TMIE: variants seen among roughly 807,000 people sequenced by gnomAD.
TMIE encodes transmembrane inner ear expressed protein.
Under a neutral mutation model 16.8 loss-of-function variants are expected in TMIE, and 14 were observed. That is an observed-to-expected ratio of 0.83 (90% CI 0.55 to 1.30). The LOEUF (loss-of-function observed/expected upper bound fraction) is 1.30, where lower values mean the gene tolerates loss of function less well. TMIE is among the 50% of genes most tolerant of loss of function. The pLI, the probability that TMIE is intolerant of heterozygous loss-of-function variation, is 0.00. For missense variants in TMIE, 204 were observed against 205.9 expected (o/e 0.99, Z 0.06); for synonymous variants, 75 against 87.2 (o/e 0.86, Z 0.78).
At position 46,709,123 on chromosome 3, in the gene TMIE, C is replaced by T; in HGVS notation, c.212-3C>T. 5.0e-6 allele frequency: 8 copies of T among 1,614,106 alleles called. No individual in the cohort carries two copies. The highest frequency in any genetic ancestry group is 6.8e-6 in the Non-Finnish European group (8 of 1,180,036). On this transcript the variant is annotated splice_polypyrimidine_tract_variant and splice_region_variant and intron_variant, in intron 2 of 3. Coordinates refer to ENST00000643606, the MANE Select transcript of TMIE (RefSeq NM_147196.3). ...AGCCAAGCCTGCTCTGTCCTCCCTA[C>T]AGTCATCACGCTGTGCTGTGTCTTC...
At chr3:46,699,061 T>TTA (rs1700439930), upstream of TMIE, among the ~76,000 whole-genome samples, 4 of 32,824 alleles carry the variant, frequency 1.2e-4, no homozygotes, top group Non-Finnish European at 2.9e-4. Context: ...GTGTTTCTTA[T>TTA]TTTTTTTTTT....
chr3:46,705,966 C>A, intron 2 of TMIE, 59 bp downstream of exon 2: 2 of 1,533,766 alleles, frequency 1.3e-6, no homozygotes, highest in South Asian at 1.1e-5. Context: ...GCACCCCCTG[C>A]CCCCCAGAGG....
chr3:46,697,385 C>CA (rs1700420472), upstream of TMIE, among the ~76,000 whole-genome samples: 1 of 152,200 alleles, frequency 6.6e-6, no homozygotes, highest in African/African-American at 2.4e-5. Context: ...GGAAGGAATG[C>CA]AGATGTCGTG....
At chr3:46,698,392 T>A (rs1171604100), upstream of TMIE, among the ~76,000 whole-genome samples, 6 of 151,764 alleles carry the variant, frequency 4.0e-5, no homozygotes, top group Non-Finnish European at 8.8e-5. Flanking sequence ...TTAACAAGAA[T>A]GATAATAATT....
chr3:46,706,117 C>T (rs1408698047), intron 2 of TMIE, among the ~76,000 whole-genome samples: 1 of 152,224 alleles, frequency 6.6e-6, no homozygotes, highest in African/African-American at 2.4e-5. Context: ...TTCTGCAGGA[C>T]CCAGGGAGGT....
intron 3 of TMIE, 28 bp downstream of exon 3, chr3:46,709,303 T>G: frequency 6.2e-7 from 1 of 1,613,352 alleles, no homozygotes. Flanking sequence ...TGAGCCCTGC[T>G]GCGCCAGCCA....
Position 46,709,186 on chromosome 3 carries a change from C to G in TMIE, c.272C>G (p.Ala91Gly). The part of the protein sequence containing the change: ...RVPRTRKEIE[A>G]RYLQRKAAKM... The stretch of plus-strand genomic sequence containing the variant: ...CCACGGACCCGGAAGGAGATCGAAG[C>G]CCGGTACCTGCAGCGAAAGGCAGCC... The change falls in exon 3 of 4, where the codon GCC becomes GGC. Residue 91 changes from alanine (A) to glycine (G), a missense_variant. Transcript: ENST00000643606. The G allele has an allele frequency of 6.2e-7, 1 of 1,614,160 alleles. No homozygotes were observed. Among genetic ancestry groups the G allele is most frequent in the Non-Finnish European group, 8.5e-7 (1 of 1,180,040 alleles).
At chr3:46,704,874 C>T (rs1559496167) in intron 1 of TMIE, among the ~76,000 whole-genome samples, 1 of 151,818 alleles carries the variant, frequency 6.6e-6, no homozygotes, top group Admixed American at 6.6e-5. Context: ...CCCCTAGACA[C>T]CCAGGGCCAG....
chr3:46,704,323 GACACCCAGGGCAGGAAC>G (rs1700516878), intron 1 of TMIE, among the ~76,000 whole-genome samples: 1 of 138,936 alleles, frequency 7.2e-6, no homozygotes, highest in African/African-American at 2.7e-5. Context: ...CATGTCCCTA[GACACCCAGGGCAGGAAC>G]ATGTCCCCTA....
upstream of TMIE, among the ~76,000 whole-genome samples, chr3:46,699,057 CTTA>C (rs1198356955): frequency 5.4e-4 from 35 of 65,280 alleles, 2 homozygotes; most frequent in African/African-American, 1.8e-3. Context: ...AATGGTGTTT[CTTA>C]TTTTTTTTTT....
intron 3 of TMIE, 33 bp downstream of exon 3, chr3:46,709,308 C>G (rs372263291): frequency 1.9e-6 from 3 of 1,613,518 alleles, no homozygotes; most frequent in Non-Finnish European, 2.5e-6. Flanking sequence ...CCTGCTGCGC[C>G]AGCCAGTTCC....
chr3:46,697,453 G>C (rs546701905), upstream of TMIE, among the ~76,000 whole-genome samples: 6 of 152,360 alleles, frequency 3.9e-5, no homozygotes, highest in East Asian at 1.2e-3. Flanking sequence ...AGCTGAACGT[G>C]TGGAGGCTGG....
chr3:46,695,007 C>A (rs1329560874), intron 1 of TMIE, among the ~76,000 whole-genome samples: 1 of 152,190 alleles, frequency 6.6e-6, no homozygotes, highest in Non-Finnish European at 1.5e-5. Flanking sequence ...TGGGTGGGGG[C>A]TACCTCAAGG....
chr3:46,707,918 C>T (rs939975239), intron 2 of TMIE, among the ~76,000 whole-genome samples: 1 of 152,204 alleles, frequency 6.6e-6, no homozygotes, highest in African/African-American at 2.4e-5. Context: ...GAGTCTCAGG[C>T]ATGAACACAG....
Position 46,708,565 on chromosome 3 carries a change from C to T in TMIE, c.212-561C>T, listed in dbSNP as rs533651784. Among the ~76,000 whole-genome samples, 13 of 152,374 alleles carry T rather than the reference C, an allele frequency of 8.5e-5. No homozygotes were observed. The South Asian group carries it at 1.2e-3, about 15-fold the overall frequency. On this transcript the variant is annotated intron_variant, in intron 2 of 3. Coordinates refer to ENST00000643606, the MANE Select transcript of TMIE (RefSeq NM_147196.3). Reference sequence around the variant, plus strand: ...CGGAAAACCACTCCTGAAATAACTCCGTCTGAGGTGAATGCCTCAGGGCAG... The same window carrying T: ...CGGAAAACCACTCCTGAAATAACTCTGTCTGAGGTGAATGCCTCAGGGCAG...
At chr3:46,706,000 G>A (rs1365215171) in intron 2 of TMIE, 93 bp downstream of exon 2, 9 of 1,329,704 alleles carry the variant, frequency 6.8e-6, no homozygotes, top group African/African-American at 2.9e-5. Flanking sequence ...ATTCCGGGCA[G>A]TGCAAGTAGG....
In TMIE at chr3:46,705,894, C is replaced by T. The variant is rs372805935; in HGVS notation, c.198C>T (p.Phe66=). 11 of 1,614,086 alleles carry T rather than the reference C, an allele frequency of 6.8e-6. No individual in the cohort carries two copies. The highest frequency in any genetic ancestry group is 1.7e-5 in the Admixed American group (1 of 60,024). The part of the protein sequence containing the change: ...LWHVVGIFSL[F]VLSIIITLCC... ...ACGTGGTGGGCATCTTTTCGCTCTT[C>T]GTGTTGTCCATCAGTGAGTAGCTGT... The change falls in exon 2 of 4, where the codon TTC becomes TTT. Residue 66 remains phenylalanine, a synonymous_variant. Coordinates refer to ENST00000643606, the MANE Select transcript of TMIE (RefSeq NM_147196.3).
At chr3:46,699,662 A>G (rs1700447205), upstream of TMIE, among the ~76,000 whole-genome samples, 1 of 152,196 alleles carries the variant, frequency 6.6e-6, no homozygotes, top group African/African-American at 2.4e-5. Context: ...ATCTCAGGGA[A>G]CACCGGGGGA....
upstream of TMIE, among the ~76,000 whole-genome samples, chr3:46,700,481 AG>A (rs1344257132): frequency 6.6e-6 from 1 of 152,032 alleles, no homozygotes; most frequent in Non-Finnish European, 1.5e-5. Flanking sequence ...TAAGGGTTCC[AG>A]GGGCCCAACA....
Sources: allele counts gnomAD v4.1 joint callset (sites outside exome capture counted in the v4.1 genomes callset), GRCh38; gene constraint gnomAD v4.1.1; transcripts MANE v1.5; gene names NCBI Gene and HGNC (gene_info 2026-07-23, HGNC 2026-07-21).